OXCT1: variants seen among roughly 807,000 people sequenced by gnomAD.
OXCT1 encodes the protein succinyl-CoA:3-ketoacid coenzyme A transferase 1, mitochondrial.
OXCT1 carries 27 observed loss-of-function variants against 69.6 expected under a neutral mutation model. That is an observed-to-expected ratio of 0.39 (90% CI 0.29 to 0.54). OXCT1 has a LOEUF of 0.54. OXCT1 is among the 20% of genes least tolerant of loss of function. OXCT1 has a pLI of 0.72. For synonymous variants in OXCT1, 202 were observed against 217.8 expected (o/e 0.93, Z 0.64); for missense variants, 437 against 650.2 (o/e 0.67, Z 3.57).
rs901434284 is a variant in OXCT1, at chr5:41,840,464, G to T, written c.719C>A (p.Thr240Asn). ...ATAACCTCTTACCTCTACCACTGTG[G>T]TTTCTGCAGCTTTGCACATTGGCAA... The part of the protein sequence containing the change: ...FNLPMCKAAE[T>N]TVVEVEEIVD... Residue 240 changes from threonine (T) to asparagine (N), a missense_variant, in exon 7 of 17, where the codon ACC (threonine) becomes AAC (asparagine). Physicochemically the swap from Thr to Asn is moderately conservative, Grantham distance 65. Transcript: ENST00000196371. The T allele has an allele frequency of 6.2e-7, 1 of 1,612,518 alleles. No individual in the cohort carries two copies. Among genetic ancestry groups the T allele is most frequent in the Non-Finnish European group, 8.5e-7 (1 of 1,178,728 alleles).
intron 13 of OXCT1, among the ~76,000 whole-genome samples, chr5:41,793,516 A>G (rs1579748775): frequency 1.3e-5 from 2 of 152,240 alleles, no homozygotes; most frequent in East Asian, 3.8e-4. Flanking sequence ...TCACAAGGAT[A>G]TTAAACTCTC....
chr5:41,751,158 C>T (rs149417588), intron 14 of OXCT1, among the ~76,000 whole-genome samples: 56 of 152,218 alleles, frequency 3.7e-4, no homozygotes, highest in African/African-American at 1.2e-3. Flanking sequence ...GACAAATATT[C>T]GAACTTCTAC....
intron 16 of OXCT1, among the ~76,000 whole-genome samples, chr5:41,734,101 T>C (rs1366899561): frequency 1.3e-5 from 2 of 152,208 alleles, no homozygotes; most frequent in Non-Finnish European, 2.9e-5. Context: ...TAGTTTTTTA[T>C]TTGTTTGTTT....
intron 16 of OXCT1, among the ~76,000 whole-genome samples, chr5:41,732,169 C>T (rs963472012): frequency 4.6e-5 from 7 of 152,054 alleles, no homozygotes; most frequent in Non-Finnish European, 8.8e-5. Context: ...AAAATAGATC[C>T]AGCCAATTCA....
chr5:41,753,760 A>C (rs979290864), intron 14 of OXCT1, among the ~76,000 whole-genome samples: 5 of 152,138 alleles, frequency 3.3e-5, no homozygotes, highest in Admixed American at 2.6e-4. Flanking sequence ...CCATGAGTAG[A>C]ACATTAGGCA....
intron 7 of OXCT1, among the ~76,000 whole-genome samples, chr5:41,821,245 G>A (rs989077948): frequency 6.6e-6 from 1 of 152,152 alleles, no homozygotes; most frequent in Admixed American, 6.5e-5. Context: ...GGACACACAT[G>A]CAGTCACTTC....
intron 13 of OXCT1, among the ~76,000 whole-genome samples, chr5:41,781,910 G>A (rs1283291492): frequency 6.6e-6 from 1 of 152,068 alleles, no homozygotes; most frequent in Non-Finnish European, 1.5e-5. Flanking sequence ...GTGCAGTAAT[G>A]AACATAACAC....
chr5:41,816,731 T>A (rs1180598889), intron 7 of OXCT1, among the ~76,000 whole-genome samples: 1 of 152,142 alleles, frequency 6.6e-6, no homozygotes, highest in African/African-American at 2.4e-5. Flanking sequence ...TTAAGATCAC[T>A]ATCTCTCCTT....
chr5:41,860,108 A>G (rs1749668286), intron 3 of OXCT1, among the ~76,000 whole-genome samples: 1 of 151,924 alleles, frequency 6.6e-6, no homozygotes. Flanking sequence ...AAAGGGCATA[A>G]GATATGTTTA....
intron 13 of OXCT1, among the ~76,000 whole-genome samples, chr5:41,785,599 G>T (rs1281616493): frequency 2.6e-5 from 4 of 152,192 alleles, no homozygotes; most frequent in Non-Finnish European, 5.9e-5. Context: ...ATGAGCAAAA[G>T]TGGTTGGTAA....
At chr5:41,853,229 TTTTCA>T (rs1190987561) in intron 4 of OXCT1, among the ~76,000 whole-genome samples, 185 bp downstream of exon 4, 1 of 152,204 alleles carries the variant, frequency 6.6e-6, no homozygotes, top group African/African-American at 2.4e-5. Context: ...AATATCTCTT[TTTTCA>T]GTACACAGTA....
chr5:41,786,871 T>A (rs1745663148), intron 13 of OXCT1, among the ~76,000 whole-genome samples: 1 of 152,196 alleles, frequency 6.6e-6, no homozygotes, highest in Non-Finnish European at 1.5e-5. Context: ...TGTTGTTTTT[T>A]AATATAACTA....
intron 13 of OXCT1, among the ~76,000 whole-genome samples, chr5:41,791,863 G>T (rs1412270340): frequency 6.6e-6 from 1 of 152,044 alleles, no homozygotes; most frequent in Non-Finnish European, 1.5e-5. Flanking sequence ...GAGTGCAGTG[G>T]CGCGATCTCT....
chr5:41,863,425 T>C (rs1749831078), intron 1 of OXCT1, among the ~76,000 whole-genome samples: 1 of 152,172 alleles, frequency 6.6e-6, no homozygotes, highest in Admixed American at 6.5e-5. Context: ...TAAATAAAAT[T>C]ATGTATCCTT....
chr5:41,794,823 C>T (rs1432012133), intron 11 of OXCT1, 74 bp from the exon 12 acceptor site: 1 of 1,481,078 alleles, frequency 6.8e-7, no homozygotes, highest in Admixed American at 1.7e-5. Context: ...CAGAGGTCCA[C>T]ATCTTCTCCA....
At chr5:41,776,815 T>C (rs1248223811) in intron 13 of OXCT1, among the ~76,000 whole-genome samples, 2 of 152,224 alleles carry the variant, frequency 1.3e-5, no homozygotes, top group Non-Finnish European at 2.9e-5. Context: ...ATTCATTATG[T>C]TGATAAGCCT....
chr5:41,746,055 C>A (rs1259906593), intron 15 of OXCT1, among the ~76,000 whole-genome samples: 1 of 152,128 alleles, frequency 6.6e-6, no homozygotes, highest in African/African-American at 2.4e-5. Flanking sequence ...TTTTATGAGG[C>A]CAGCATTATC....
chr5:41,731,375 ATTAATAT>A lies in OXCT1; in HGVS notation c.*347_*353del, dbSNP rs1185517396. On this transcript the variant is annotated 3_prime_UTR_variant, in exon 17 of 17. Transcript: ENST00000196371. ...TGTTATCTTTCTTTCAGGACTAATA[ATTAATAT>A]TTAAGAGGAAAGCCACATCAATTTC... 9.6e-7 allele frequency: 1 copy of A among 1,043,078 alleles called. No individual in the cohort carries two copies. The highest frequency in any genetic ancestry group is 1.7e-5 in the African/African-American group (1 of 58,514). 64.6% of individuals were successfully genotyped at this position (1,043,078 alleles called of 1,614,324 possible). A position where few individuals can be genotyped will look rare whatever the true frequency, so the allele number is the denominator to read the frequency against.
intron 16 of OXCT1, among the ~76,000 whole-genome samples, chr5:41,733,892 G>A (rs531702494): frequency 2.6e-5 from 4 of 152,244 alleles, no homozygotes; most frequent in African/African-American, 7.2e-5. Context: ...TAAGCACAAG[G>A]TGACATGATT....
Sources: gnomAD v4.1 joint callset for allele counts (sites outside exome capture counted in the v4.1 genomes callset) on GRCh38, gnomAD v4.1.1 for gene constraint, MANE v1.5 for transcripts, NCBI Gene and HGNC (gene_info 2026-07-23, HGNC 2026-07-21) for gene names.